FHIT: variants seen among roughly 807,000 people sequenced by gnomAD.
FHIT encodes bis(5'-adenosyl)-triphosphatase.
FHIT carries 19 observed loss-of-function variants against 17.9 expected under a neutral mutation model. The ratio of observed to expected loss-of-function variants is 1.06; its 90% CI spans 0.74 to 1.56. The LOEUF is 1.56. Ranked by LOEUF, FHIT falls within the 40% of genes most tolerant of loss-of-function variation. FHIT has a pLI of 0.00. For missense variants in FHIT, 248 were observed against 189.2 expected (o/e 1.31, Z -1.82); for synonymous variants, 81 against 69.7 (o/e 1.16, Z -0.81).
chr3:59,916,085 T>A (rs1325580445), intron 8 of FHIT, among the ~76,000 whole-genome samples: 3 of 152,144 alleles, frequency 2.0e-5, no homozygotes, highest in African/African-American at 7.2e-5. Context: ...GATTAACATT[T>A]GAGTCAGTGG....
At chr3:60,622,989 G>A (rs1291711434) in intron 4 of FHIT, among the ~76,000 whole-genome samples, 2 of 152,124 alleles carry the variant, frequency 1.3e-5, no homozygotes, top group Non-Finnish European at 2.9e-5. Flanking sequence ...GTTGACAGTC[G>A]TACACCTTAA....
At chr3:60,215,300 G>T (rs1219495779) in intron 5 of FHIT, among the ~76,000 whole-genome samples, 1 of 152,154 alleles carries the variant, frequency 6.6e-6, no homozygotes, top group Non-Finnish European at 1.5e-5. Flanking sequence ...GACCAGCCTG[G>T]CCAATATGGT....
intron 2 of FHIT, among the ~76,000 whole-genome samples, chr3:61,100,625 G>T (rs2035789693): frequency 6.6e-6 from 1 of 152,166 alleles, no homozygotes; most frequent in Non-Finnish European, 1.5e-5. Context: ...AGATAATTGA[G>T]GAATTGCCAC....
At chr3:61,239,742 T>A in intron 1 of FHIT, among the ~76,000 whole-genome samples, 1 of 125,974 alleles carries the variant, frequency 7.9e-6, no homozygotes, top group African/African-American at 3.4e-5. Context: ...GAAATAAAAC[T>A]GCAAAGAAAA....
At chr3:59,948,598 T>G (rs756919700) in intron 7 of FHIT, among the ~76,000 whole-genome samples, 1 of 152,068 alleles carries the variant, frequency 6.6e-6, no homozygotes, top group Admixed American at 6.6e-5. Context: ...TCTTCTATAT[T>G]TCCATCAGAG....
At chr3:61,043,138 G>A (rs1467113533) in intron 2 of FHIT, among the ~76,000 whole-genome samples, 1 of 152,136 alleles carries the variant, frequency 6.6e-6, no homozygotes, top group Non-Finnish European at 1.5e-5. Context: ...TGGAGTGTGA[G>A]CCAAAGCAGG....
At chr3:60,304,086 C>G (rs373219503) in intron 5 of FHIT, among the ~76,000 whole-genome samples, 10 of 152,204 alleles carry the variant, frequency 6.6e-5, no homozygotes, top group African/African-American at 2.4e-4. Context: ...TCCTTCTTTA[C>G]GTAGACACAC....
chr3:59,877,275 C>T (rs1437782930), intron 8 of FHIT, among the ~76,000 whole-genome samples: 1 of 152,142 alleles, frequency 6.6e-6, no homozygotes, highest in Admixed American at 6.5e-5. Context: ...TTCTACTTAA[C>T]TGGTTCAGAA....
intron 4 of FHIT, among the ~76,000 whole-genome samples, chr3:60,539,521 T>C (rs939828882): frequency 6.6e-6 from 1 of 152,132 alleles, no homozygotes; most frequent in Non-Finnish European, 1.5e-5. Flanking sequence ...CTATTCACAA[T>C]AGCAAAGACT....
At chr3:60,273,893 A>G (rs1401056134) in intron 5 of FHIT, among the ~76,000 whole-genome samples, 1 of 150,532 alleles carries the variant, frequency 6.6e-6, no homozygotes, top group African/African-American at 2.4e-5. Flanking sequence ...CATTTACAGA[A>G]ATTAATAAAA....
chr3:60,999,691 G>A (rs772283640), intron 3 of FHIT, among the ~76,000 whole-genome samples: 43 of 152,068 alleles, frequency 2.8e-4, no homozygotes, highest in Non-Finnish European at 4.1e-4. Context: ...AACACCTGCA[G>A]AAGGAAAGGG....
Position 60,341,327 on chromosome 3 carries a change from TACAGTTTAAA to T in FHIT, c.103+195523_103+195532del, listed in dbSNP as rs778975562. The stretch of plus-strand genomic sequence containing the variant: ...TAATTTTAAAGGGTTAAATAACCAG[TACAGTTTAAA>T]AATTGAGTAAATAAAAACTGAGAAA... On this transcript the variant is annotated intron_variant, in intron 5 of 9. Transcript: ENST00000492590. Among the ~76,000 whole-genome samples the T allele has an allele frequency of 6.9e-4, 105 of 152,320 alleles. 1 individual carries two copies. The highest frequency in any genetic ancestry group is 3.5e-3 in the South Asian group (17 of 4,822).
At chr3:59,830,807 G>C (rs944401821) in intron 8 of FHIT, among the ~76,000 whole-genome samples, 1 of 152,170 alleles carries the variant, frequency 6.6e-6, no homozygotes, top group African/African-American at 2.4e-5. Context: ...CACTCCAGGA[G>C]GCTGCAATTG....
At chr3:60,460,536 A>G (rs1181322329) in intron 5 of FHIT, among the ~76,000 whole-genome samples, 1 of 152,186 alleles carries the variant, frequency 6.6e-6, no homozygotes, top group African/African-American at 2.4e-5. Context: ...TTTAGTTTTA[A>G]AAAATCCCAA....
At chr3:60,751,476 A>G (rs1198784214) in intron 4 of FHIT, among the ~76,000 whole-genome samples, 1 of 152,252 alleles carries the variant, frequency 6.6e-6, no homozygotes, top group Admixed American at 6.5e-5. Context: ...AATATGGGCA[A>G]AGGATAGGAA....
At chr3:60,322,456 T>A (rs1709477208) in intron 5 of FHIT, among the ~76,000 whole-genome samples, 1 of 152,174 alleles carries the variant, frequency 6.6e-6, no homozygotes, top group African/African-American at 2.4e-5. Flanking sequence ...TTGGAGGCCA[T>A]CTCCAACTTT....
intron 5 of FHIT, among the ~76,000 whole-genome samples, chr3:60,478,338 G>A (rs924265369): frequency 1.3e-5 from 2 of 152,142 alleles, no homozygotes; most frequent in Admixed American, 1.3e-4. Flanking sequence ...GCTGGCCAAT[G>A]TATCGGGGAA....
intron 5 of FHIT, among the ~76,000 whole-genome samples, chr3:60,094,484 A>T (rs1329064376): frequency 6.6e-6 from 1 of 152,214 alleles, no homozygotes; most frequent in African/African-American, 2.4e-5. Context: ...ACAGAAATGA[A>T]ATTAAATAGA....
At chr3:60,838,386 C>T (rs1269337743) in intron 3 of FHIT, among the ~76,000 whole-genome samples, 2 of 152,208 alleles carry the variant, frequency 1.3e-5, no homozygotes, top group Middle Eastern at 3.4e-3. Flanking sequence ...GCAGGAGAAT[C>T]GCTTGAACCC....
Sources: gnomAD v4.1 joint callset for allele counts (sites outside exome capture counted in the v4.1 genomes callset) on GRCh38, gnomAD v4.1.1 for gene constraint, MANE v1.5 for transcripts, NCBI Gene and HGNC (gene_info 2026-07-23, HGNC 2026-07-21) for gene names.